USP8: variants seen among roughly 807,000 people sequenced by gnomAD.
USP8 encodes ubiquitin specific peptidase 8.
Under a neutral mutation model 130.0 loss-of-function variants are expected in USP8, and 27 were observed. The ratio of observed to expected loss-of-function variants is 0.21; its 90% CI spans 0.15 to 0.29. The LOEUF (loss-of-function observed/expected upper bound fraction) is 0.29, where lower values mean the gene tolerates loss of function less well. Among genes scored for constraint, USP8 ranks in the 10% least tolerant of loss-of-function variants. The pLI, the probability that USP8 is intolerant of heterozygous loss-of-function variation, is 1.00. For missense variants in USP8, 1,029 were observed against 1,312.2 expected, an observed-to-expected ratio of 0.78 and a Z score of 3.33; for synonymous variants, 392 against 444.1, an observed-to-expected ratio of 0.88 and a Z score of 1.48.
At chr15:50,482,104 A>G in intron 11 of USP8, 39 bp downstream of exon 11, 1 of 1,456,116 alleles carries the variant, frequency 6.9e-7, no homozygotes, top group Admixed American at 2.7e-5. Context: ...GAAGTGAAAG[A>G]AAATGTATAT....
chr15:50,468,638 A>G (rs1294126672), intron 7 of USP8, among the ~76,000 whole-genome samples: 1 of 151,936 alleles, frequency 6.6e-6, no homozygotes, highest in East Asian at 1.9e-4. Flanking sequence ...GTACATACAT[A>G]TTTTATCACC....
chr15:50,465,916 G>A (rs2051173653), intron 7 of USP8, among the ~76,000 whole-genome samples: 1 of 152,180 alleles, frequency 6.6e-6, no homozygotes, highest in Non-Finnish European at 1.5e-5. Flanking sequence ...ATATCTTACA[G>A]AGGTTTCAGG....
chr15:50,471,884 C>A (rs1002733328), intron 8 of USP8, 89 bp downstream of exon 8: 625 of 1,109,932 alleles, frequency 5.6e-4, no homozygotes, highest in Non-Finnish European at 7.4e-4. Flanking sequence ...ATCTTAAATA[C>A]TAAAAGATTC....
intron 7 of USP8, among the ~76,000 whole-genome samples, chr15:50,470,856 C>T (rs1595950570): frequency 6.6e-6 from 1 of 152,278 alleles, no homozygotes; most frequent in Admixed American, 6.5e-5. Flanking sequence ...CCTCAGCCTC[C>T]CAAAGTGCTG....
chr15:50,453,514 T>G lies in USP8; in HGVS notation c.335+4029T>G, dbSNP rs1337353454. On this transcript the variant is annotated intron_variant, in intron 4 of 19. Transcript: ENST00000307179. Reference sequence around the variant, plus strand: ...GCTAAAGATGTTGCGTCCTTTTAAATGTATTCTTGTTTTATGGCTCAGCAT... The same window carrying G: ...GCTAAAGATGTTGCGTCCTTTTAAAGGTATTCTTGTTTTATGGCTCAGCAT... 3.3e-5 allele frequency among the ~76,000 whole-genome samples: 5 copies of G among 152,358 alleles called. No homozygotes were observed. The East Asian group carries it at 9.6e-4, about 29-fold the overall frequency.
intron 1 of USP8, among the ~76,000 whole-genome samples, chr15:50,436,107 C>T (rs1290980804): frequency 1.3e-5 from 2 of 152,216 alleles, no homozygotes; most frequent in African/African-American, 4.8e-5. Flanking sequence ...CACTTACCTC[C>T]CTACTTCAGA....
At chr15:50,430,673 C>T (rs1469053631) in intron 1 of USP8, among the ~76,000 whole-genome samples, 2 of 151,942 alleles carry the variant, frequency 1.3e-5, no homozygotes, top group African/African-American at 4.8e-5. Context: ...TAATTATCTT[C>T]CAAAACAATA....
intron 1 of USP8, among the ~76,000 whole-genome samples, chr15:50,434,911 C>T (rs1567597855): frequency 2.0e-5 from 3 of 152,194 alleles, no homozygotes; most frequent in Non-Finnish European, 2.9e-5. Flanking sequence ...TGAGCCACTG[C>T]ACCCGGCCAC....
rs1198558839 is a variant in USP8, at chr15:50,449,890, CTTTTTTTTTTT to C, written c.335+416_335+426del. 5.1e-5 allele frequency among the ~76,000 whole-genome samples: 4 copies of C among 78,918 alleles called. 1 individual carries two copies. Among genetic ancestry groups the C allele is most frequent in the East Asian group, 8.0e-4 (2 of 2,496 alleles). The allele number at this position is 78,918 out of a possible 152,430, so 51.8% of individuals were successfully genotyped here. ...GCCACCATGCCTGGCCCCAATATTTCTTTTTTTTTTTTTTTTTTTTTCTGAGACGGAGTCTC... is the reference window on the plus strand; with the variant it reads ...GCCACCATGCCTGGCCCCAATATTTCTTTTTTTTTTCTGAGACGGAGTCTC... On this transcript the variant is annotated intron_variant, in intron 4 of 19. Transcript: ENST00000307179.
At chr15:50,458,728 A>G (rs1243809063) in intron 4 of USP8, 8 of 332,980 alleles carry the variant, frequency 2.4e-5, no homozygotes, top group Admixed American at 2.3e-4. Context: ...ATTTGAATCA[A>G]TATAAAAGGT....
intron 4 of USP8, among the ~76,000 whole-genome samples, chr15:50,452,654 G>C (rs2050663044): frequency 1.3e-5 from 2 of 152,266 alleles, no homozygotes; most frequent in South Asian, 4.1e-4. Context: ...CAGACTCCCT[G>C]GGTATGGATC....
intron 8 of USP8, among the ~76,000 whole-genome samples, chr15:50,475,031 C>T (rs2051514388): frequency 6.6e-6 from 1 of 152,152 alleles, no homozygotes; most frequent in African/African-American, 2.4e-5. Flanking sequence ...ATTGCTGGAA[C>T]CCAGTGGGCA....
At chr15:50,427,759 A>G (rs964081500) in intron 1 of USP8, among the ~76,000 whole-genome samples, 38 of 151,822 alleles carry the variant, frequency 2.5e-4, no homozygotes, top group African/African-American at 8.0e-4. Context: ...GGGTTTTGCC[A>G]TGTTGGCCAG....
chr15:50,485,343 G>A (rs571741226), intron 12 of USP8, among the ~76,000 whole-genome samples: 2 of 151,364 alleles, frequency 1.3e-5, no homozygotes, highest in South Asian at 4.2e-4. Flanking sequence ...CCAGCTACTC[G>A]GGAGGCTGAG....
intron 7 of USP8, among the ~76,000 whole-genome samples, chr15:50,470,030 G>A (rs755681428): frequency 1.3e-4 from 20 of 152,034 alleles, no homozygotes; most frequent in South Asian, 1.2e-3. Flanking sequence ...ACAGGGTTTC[G>A]CCATGTTGGC....
At position 50,492,582 on chromosome 15, in the gene USP8, T is replaced by TTAAC. The variant is rs1171370396; in HGVS notation, c.2235-117_2235-114dup. The TTAAC allele has an allele frequency of 4.2e-6, 4 of 944,030 alleles. No individual in the cohort carries two copies. In the Admixed American group the frequency reaches 1.1e-4, roughly 26 times the overall value. 58.5% of individuals were successfully genotyped at this position (944,030 alleles called of 1,614,324 possible). Reference sequence around the variant, plus strand: ...GCCCAGCATCTTATGAGTTAACATATTAACTGTTTACAAGATGCCTGTGGT... The same window carrying TTAAC: ...GCCCAGCATCTTATGAGTTAACATATTAACTAACTGTTTACAAGATGCCTGTGGT... On this transcript the variant is annotated intron_variant, in intron 14 of 19. Coordinates refer to ENST00000307179, the MANE Select transcript of USP8 (RefSeq NM_005154.5).
chr15:50,434,947 C>G (rs891732084), intron 1 of USP8, among the ~76,000 whole-genome samples: 2 of 152,142 alleles, frequency 1.3e-5, no homozygotes, highest in Non-Finnish European at 2.9e-5. Context: ...TGTGTTGTAT[C>G]TTATGGTTTG....
In USP8 at chr15:50,499,387, T is replaced by C. The variant is rs1000384895; in HGVS notation, c.*299T>C. On this transcript the variant is annotated 3_prime_UTR_variant, in exon 20 of 20. Transcript: ENST00000307179. ...TCGACTGGTCTAAAAACTATTGTTA[T>C]CTTTTTTTTTTCCTTTTCACTGTTA... 6 of 194,598 alleles carry C rather than the reference T, an allele frequency of 3.1e-5. No individual in the cohort carries two copies. Among genetic ancestry groups the C allele is most frequent in the Non-Finnish European group, 5.6e-5 (6 of 107,282 alleles). 12.1% of individuals were successfully genotyped at this position (194,598 alleles called of 1,614,324 possible). A position where few individuals can be genotyped will look rare whatever the true frequency, so the allele number is the denominator to read the frequency against.
At chr15:50,479,063 A>G (rs2051671234) in intron 10 of USP8, among the ~76,000 whole-genome samples, 1 of 152,188 alleles carries the variant, frequency 6.6e-6, no homozygotes, top group South Asian at 2.1e-4. Flanking sequence ...AAAAAAAATA[A>G]AAATAAAAAT....
Sources: gnomAD v4.1 joint callset for allele counts (sites outside exome capture counted in the v4.1 genomes callset) on GRCh38, gnomAD v4.1.1 for gene constraint, MANE v1.5 for transcripts, NCBI Gene and HGNC (gene_info 2026-07-23, HGNC 2026-07-21) for gene names.